Variants in CHD5 observed in about 807,000 individuals in gnomAD.
CHD5 encodes ATP-dependent chromatin remodeler CHD5.
CHD5 carries 69 observed loss-of-function variants against 230.3 expected under a neutral mutation model. The ratio of observed to expected loss-of-function variants is 0.30; its 90% CI spans 0.25 to 0.37. The LOEUF is 0.37. CHD5 is among the 10% of genes least tolerant of loss of function. CHD5 has a pLI of 1.00. For synonymous variants in CHD5, 1,064 were observed against 1,065.9 expected (o/e 1.00, Z 0.03); for missense variants, 1,827 against 2,622.8 (o/e 0.70, Z 6.63).
At position 6,114,252 on chromosome 1, in the gene CHD5, C is replaced by CAA. The variant is rs34379729; in HGVS notation, c.4913-1256_4913-1255dup. On this transcript the variant is annotated intron_variant, in intron 33 of 41. Transcript: ENST00000262450. ...TGGGTGACAGAGTGAGACTCCGTCT[C>CAA]AAAAAAAAAAAAAATCACAATTCCT... Among the ~76,000 whole-genome samples, 362 of 139,576 alleles carry CAA rather than the reference C, an allele frequency of 2.6e-3. 6 individuals are homozygous for CAA. Among genetic ancestry groups the CAA allele is most frequent in the African/African-American group, 7.8e-3 (293 of 37,624 alleles). The allele number at this position is 139,576 out of a possible 152,430, so 91.6% of individuals were successfully genotyped here. A position where few individuals can be genotyped will look rare whatever the true frequency, so the allele number is the denominator to read the frequency against.
chr1:6,136,478 C>A, intron 17 of CHD5, 39 bp downstream of exon 17: 2 of 1,607,212 alleles, frequency 1.2e-6, no homozygotes, highest in Non-Finnish European at 1.7e-6. Context: ...GGCCACCCAG[C>A]CCCACCACCA....
In CHD5 at chr1:6,110,008, C is replaced by T. The variant is rs1022027923; in HGVS notation, c.5383-18G>A. On this transcript the variant is annotated intron_variant, in intron 37 of 41. Coordinates refer to ENST00000262450, the MANE Select transcript of CHD5 (RefSeq NM_015557.3). ...TCCAGCAGCTGGGGGCGGGGCGCAG[C>T]GTCGGCCCGGCCCCTCCCGCTGAAT... 8 of 1,511,354 alleles carry T rather than the reference C, an allele frequency of 5.3e-6. No individual in the cohort carries two copies. The highest frequency in any genetic ancestry group is 2.3e-5 in the East Asian group (1 of 43,094). The allele number at this position is 1,511,354 out of a possible 1,614,324, so 93.6% of individuals were successfully genotyped here. A position where few individuals can be genotyped will look rare whatever the true frequency, so the allele number is the denominator to read the frequency against.
rs769392685 is a variant in CHD5, at chr1:6,149,324, G to A, written c.1083C>T (p.Cys361=). 2 of 1,613,122 alleles carry A rather than the reference G, an allele frequency of 1.2e-6. No homozygotes were observed. Among genetic ancestry groups the A allele is most frequent in the Admixed American group, 1.7e-5 (1 of 59,920 alleles). The change falls in exon 8 of 42, where the codon TGC becomes TGT. Residue 361 remains cysteine (C), a synonymous_variant. Transcript: ENST00000262450. The stretch of plus-strand genomic sequence containing the variant: ...GGCATACGAGATGGTAGGCCCTCGG[G>A]CAGGTGTCGCACAGGATGATCTCCC... ...QGGEIILCDT[C]PRAYHLVCLD... is the part of the protein sequence containing the mutation.
chr1:6,152,387 C>T (rs1245353360), intron 6 of CHD5, 25 bp downstream of exon 6: 1 of 1,604,208 alleles, frequency 6.2e-7, no homozygotes, highest in Non-Finnish European at 8.5e-7. Flanking sequence ...AATGCACACA[C>T]ACGCGCACAC....
Position 6,105,471 on chromosome 1 carries a change from G to A in CHD5, c.*47-44C>T. On this transcript the variant is annotated intron_variant, in intron 41 of 41. Coordinates refer to ENST00000262450, the MANE Select transcript of CHD5 (RefSeq NM_015557.3). This position sits in a 1 kb window ranked among gnomAD's most constrained non-coding sequence, Gnocchi z 4.8. Reference sequence around the variant, plus strand: ...TGGGTTAAGCAGGTGGGCAGTTATAGGGGGCATCAGGGTGGCACCCAACAG... The same window carrying A: ...TGGGTTAAGCAGGTGGGCAGTTATAAGGGGCATCAGGGTGGCACCCAACAG... 4.3e-6 allele frequency: 2 copies of A among 462,942 alleles called. No individual in the cohort carries two copies. Among genetic ancestry groups the A allele is most frequent in the South Asian group, 1.6e-5 (1 of 63,258 alleles). 28.7% of individuals were successfully genotyped at this position (462,942 alleles called of 1,614,324 possible). A position where few individuals can be genotyped will look rare whatever the true frequency, so the allele number is the denominator to read the frequency against.
At position 6,154,028 on chromosome 1, in the gene CHD5, G is replaced by A. The variant is rs1667044813; in HGVS notation, c.745+632C>T. 6.6e-6 allele frequency among the ~76,000 whole-genome samples: 1 copy of A among 152,016 alleles called. No homozygotes were observed. Among genetic ancestry groups the A allele is most frequent in the African/African-American group, 2.4e-5 (1 of 41,370 alleles). On this transcript the variant is annotated intron_variant, in intron 5 of 41. Transcript: ENST00000262450. The surrounding 1 kb of genome is among the most constrained non-coding windows in gnomAD (Gnocchi z 7.0). Reference sequence around the variant, plus strand: ...CTCCCCACCCAGACGCCCTGCCACTGAGGCAGAATTTGGATCTCGATCTCC... The same window carrying A: ...CTCCCCACCCAGACGCCCTGCCACTAAGGCAGAATTTGGATCTCGATCTCC...
At chr1:6,109,669 A>C (rs534827525) in intron 38 of CHD5, 126 bp downstream of exon 38, 2 of 794,434 alleles carry the variant, frequency 2.5e-6, no homozygotes, top group African/African-American at 3.5e-5. Context: ...CCAGAAGTCC[A>C]CCGCCCTCTG....
intron 33 of CHD5, 101 bp from the exon 34 acceptor site, chr1:6,113,099 T>G (rs541154930): frequency 2.0e-5 from 16 of 815,620 alleles, no homozygotes; most frequent in African/African-American, 1.9e-4. Flanking sequence ...TCCATCAATA[T>G]GTTCCGCAGA....
chr1:6,124,657 A>C lies in CHD5; in HGVS notation c.4399T>G (p.Tyr1467Asp). The C allele has an allele frequency of 4.0e-6, 1 of 249,972 alleles. No homozygotes were observed. The highest frequency in any genetic ancestry group is 7.0e-6 in the Non-Finnish European group (1 of 142,286). 15.5% of individuals were successfully genotyped at this position (249,972 alleles called of 1,614,324 possible). A position where few individuals can be genotyped will look rare whatever the true frequency, so the allele number is the denominator to read the frequency against. ...AGGTGCCGCATGAAGAGGGACACAT[A>C]GGCTCTGGGGTGGGGGGGGGGGACT... ...RGKSEKEFRA[Y>D]VSLFMRHLCE... Residue 1467 changes from tyrosine (Y) to aspartate (D), a missense_variant, in exon 30 of 42, where the codon TAT becomes GAT. Around this residue, in one of 14 missense-constraint regions of CHD5, gnomAD observed 108 missense variants for 152.4 expected, o/e 0.71. Coordinates refer to ENST00000262450, the MANE Select transcript of CHD5 (RefSeq NM_015557.3).
At chr1:6,149,498 C>T in intron 7 of CHD5, 86 bp from the exon 8 acceptor site, 1 of 1,386,420 alleles carries the variant, frequency 7.2e-7, no homozygotes. Flanking sequence ...CAGACAGGCA[C>T]AGAGTAGATG....
chr1:6,146,992 A>C lies in CHD5; in HGVS notation c.1384-121T>G, dbSNP rs1317882100. The C allele has an allele frequency of 1.3e-6, 1 of 753,706 alleles. No individual in the cohort carries two copies. Among genetic ancestry groups the C allele is most frequent in the East Asian group, 2.7e-5 (1 of 36,436 alleles). 46.7% of individuals were successfully genotyped at this position (753,706 alleles called of 1,614,324 possible). Reference sequence around the variant, plus strand: ...TCAGTGCCACTGCCCCCAAGTCAGAACAGTACCACGGTGACGCCATGACAT... The same window carrying C: ...TCAGTGCCACTGCCCCCAAGTCAGACCAGTACCACGGTGACGCCATGACAT... On this transcript the variant is annotated intron_variant, in intron 9 of 41. Transcript: ENST00000262450. This position sits in a 1 kb window ranked among gnomAD's most constrained non-coding sequence, Gnocchi z 5.1.
chr1:6,110,303 T>C (rs1571137588), intron 37 of CHD5, 91 bp downstream of exon 37: 2 of 1,463,618 alleles, frequency 1.4e-6, no homozygotes, highest in South Asian at 1.2e-5. Context: ...CGGGGAGGGG[T>C]TGCTGCTCTC....
At chr1:6,133,660 C>A (rs1666693167) in intron 20 of CHD5, among the ~76,000 whole-genome samples, 1 of 152,254 alleles carries the variant, frequency 6.6e-6, no homozygotes, top group Admixed American at 6.5e-5. Flanking sequence ...TGTGCCAGCA[C>A]AGAGCCTGAC....
Position 6,124,619 on chromosome 1 carries a change from C to T in CHD5, c.4437G>A (p.Gly1479=), listed in dbSNP as rs146870024. The part of the protein sequence containing the change: ...SLFMRHLCEP[G]ADGAETFADG... ...CTGCGAAGGTCTCTGCACCATCCGC[C>T]CCCGGCTCACACAGGTGCCGCATGA... The change falls in exon 30 of 42, where the codon GGG becomes GGA. Residue 1479 remains glycine (G), a synonymous_variant. Transcript: ENST00000262450. 1 of 1,600,690 alleles carries T rather than the reference C, an allele frequency of 6.2e-7. No homozygotes were observed. Among genetic ancestry groups the T allele is most frequent in the South Asian group, 1.1e-5 (1 of 89,096 alleles).
chr1:6,164,274 G>A (rs1321881310), intron 2 of CHD5, among the ~76,000 whole-genome samples: 1 of 152,186 alleles, frequency 6.6e-6, no homozygotes, highest in Non-Finnish European at 1.5e-5. Context: ...CTCCATTTGG[G>A]GTCCTTCAAG....
chr1:6,171,202 G>A (rs531610823), intron 1 of CHD5, among the ~76,000 whole-genome samples: 1 of 152,338 alleles, frequency 6.6e-6, no homozygotes, highest in South Asian at 2.1e-4. Context: ...TCTGGGATCT[G>A]CCCGTGGGTA....
chr1:6,122,782 G>A (rs182604261), intron 31 of CHD5, among the ~76,000 whole-genome samples: 362 of 152,288 alleles, frequency 2.4e-3, no homozygotes, highest in African/African-American at 7.9e-3. Context: ...ACAAGAAAAC[G>A]TTATCGGCCA....
chr1:6,123,969 G>A lies in CHD5; in HGVS notation c.4678C>T (p.Pro1560Ser), dbSNP rs1447358853. The change falls in exon 31 of 42, where the codon CCA (proline) becomes TCA (serine). Residue 1560 changes from proline to serine, a missense_variant. By Grantham distance (74) the Pro-to-Ser change is moderately conservative. Around this residue, in one of 14 missense-constraint regions of CHD5, gnomAD observed 272 missense variants for 263.2 expected, o/e 1.03. Transcript: ENST00000262450. ...AGACCTGGCAGGCCCAGCGGGGCTG[G>A]CAGGAGGTGGGCAGGGCTGGCGGGC... Reference protein sequence around the residue: ...PVPASPAHLLPAPLGLPDKME... With the variant: ...PVPASPAHLLSAPLGLPDKME... 1 of 1,592,242 alleles carries A rather than the reference G, an allele frequency of 6.3e-7. No homozygotes were observed. The highest frequency in any genetic ancestry group is 8.5e-7 in the Non-Finnish European group (1 of 1,171,610).
intron 33 of CHD5, among the ~76,000 whole-genome samples, chr1:6,114,539 A>G (rs998296257): frequency 6.6e-6 from 1 of 151,866 alleles, no homozygotes; most frequent in Non-Finnish European, 1.5e-5. Flanking sequence ...TGTGATATAT[A>G]TATATATCAC....
Sources: allele counts gnomAD v4.1 joint callset (sites outside exome capture counted in the v4.1 genomes callset), GRCh38; gene constraint gnomAD v4.1.1; regional missense constraint gnomAD v4.1.1; non-coding constraint Gnocchi (gnomAD v3.1); transcripts MANE v1.5; gene names NCBI Gene and HGNC (gene_info 2026-07-23, HGNC 2026-07-21).